The following ATAD2B variants were observed in gnomAD, a reference collection of about 807,000 sequenced individuals.
The protein encoded by ATAD2B is ATPase family AAA domain containing 2B.
Under a neutral mutation model 167.6 loss-of-function variants are expected in ATAD2B, and 40 were observed. That is an observed-to-expected ratio of 0.24 (90% confidence interval 0.19 to 0.31). The LOEUF is 0.31. ATAD2B is among the 10% of genes least tolerant of loss of function. The pLI is 1.00. For synonymous variants in ATAD2B, 579 were observed against 596.5 expected (o/e 0.97, Z 0.43); for missense variants, 1,242 against 1,757.2 (o/e 0.71, Z 5.24).
intron 17 of ATAD2B, among the ~76,000 whole-genome samples, chr2:23,816,570 G>T (rs916108065): frequency 6.6e-6 from 1 of 152,092 alleles, no homozygotes; most frequent in African/African-American, 2.4e-5. Context: ...TAATGTATGG[G>T]TCTATACATT....
chr2:23,842,408 T>C (rs1477132236), intron 13 of ATAD2B, among the ~76,000 whole-genome samples: 4 of 152,148 alleles, frequency 2.6e-5, no homozygotes, highest in Non-Finnish European at 5.9e-5. Flanking sequence ...TGCATTATAA[T>C]ACATGAATAT....
chr2:23,800,647 T>G (rs1015506317), intron 18 of ATAD2B, among the ~76,000 whole-genome samples: 15 of 152,178 alleles, frequency 9.9e-5, no homozygotes, highest in Non-Finnish European at 1.8e-4. Context: ...CATGATGTTG[T>G]ATTGACCCCA....
intron 1 of ATAD2B, among the ~76,000 whole-genome samples, chr2:23,913,697 G>A (rs1238532759): frequency 6.6e-6 from 1 of 150,820 alleles, no homozygotes; most frequent in African/African-American, 2.4e-5. Context: ...AATCTCAATT[G>A]AAATTAAAAT....
downstream of ATAD2B, among the ~76,000 whole-genome samples, chr2:23,744,152 A>C (rs1029810715): frequency 6.6e-6 from 1 of 152,218 alleles, no homozygotes; most frequent in Non-Finnish European, 1.5e-5. Context: ...AGATATTACT[A>C]TATTTTAAAT....
intron 12 of ATAD2B, among the ~76,000 whole-genome samples, chr2:23,859,155 TATCTC>T (rs1693937639): frequency 6.6e-6 from 1 of 152,182 alleles, no homozygotes; most frequent in Non-Finnish European, 1.5e-5. Flanking sequence ...TAAAGAATGT[TATCTC>T]ATTTTATTTT....
At chr2:23,918,015 C>T (rs1478220404) in intron 1 of ATAD2B, among the ~76,000 whole-genome samples, 1 of 151,690 alleles carries the variant, frequency 6.6e-6, no homozygotes, top group Non-Finnish European at 1.5e-5. Context: ...TCATTGAACT[C>T]CAGCCTGGGC....
rs147171480 is a variant in ATAD2B, at chr2:23,871,469, C to T, written c.978-1708G>A. Among the ~76,000 whole-genome samples, 505 of 152,294 alleles carry T rather than the reference C, an allele frequency of 3.3e-3. 3 individuals are homozygous for T. Among genetic ancestry groups the T allele is most frequent in the African/African-American group, 0.012 (487 of 41,566 alleles). ...CCACTGACTCAGAGTCAACTCCCTT[C>T]GTGGCTTAATTTTCTGTCAAGCCTC... On this transcript the variant is annotated intron_variant, in intron 8 of 27. Coordinates refer to ENST00000238789, the MANE Select transcript of ATAD2B (RefSeq NM_017552.4).
chr2:23,771,092 T>A (rs927262498), intron 22 of ATAD2B, among the ~76,000 whole-genome samples: 1 of 152,222 alleles, frequency 6.6e-6, no homozygotes, highest in Admixed American at 6.5e-5. Flanking sequence ...TTGATGTTAT[T>A]TCAATTTCCT....
the ATAD2B span, among the ~76,000 whole-genome samples, chr2:23,693,736 G>A: frequency 3.0e-4 from 45 of 152,320 alleles, no homozygotes; most frequent in African/African-American, 9.9e-4. Flanking sequence ...GACCCAAGTC[G>A]GCCAAGAGCC....
intron 22 of ATAD2B, among the ~76,000 whole-genome samples, chr2:23,770,290 T>C (rs1449531526): frequency 6.6e-6 from 1 of 151,186 alleles, no homozygotes; most frequent in Non-Finnish European, 1.5e-5. Flanking sequence ...CACTCCAGCC[T>C]AGGTGACAGA....
chr2:23,795,773 G>T (rs942717339), intron 19 of ATAD2B, among the ~76,000 whole-genome samples: 1 of 151,926 alleles, frequency 6.6e-6, no homozygotes, highest in Non-Finnish European at 1.5e-5. Flanking sequence ...CAGCTACTCG[G>T]GAGGCTGAGA....
chr2:23,745,422 A>AAGAAAGGAAAGGGAAGGGAAGGG (rs1491261605), downstream of ATAD2B, among the ~76,000 whole-genome samples: 30 of 85,064 alleles, frequency 3.5e-4, no homozygotes, highest in Non-Finnish European at 5.5e-4. Flanking sequence ...GGAAGGAAGG[A>AAGAAAGGAAAGGGAAGGGAAGGG]AAGGGAAGGG....
intron 8 of ATAD2B, among the ~76,000 whole-genome samples, chr2:23,871,154 C>A (rs1695910345): frequency 1.3e-5 from 2 of 150,920 alleles, no homozygotes; most frequent in Non-Finnish European, 3.0e-5. Context: ...CCTTTTTGCC[C>A]ACCACATAAT....
intron 7 of ATAD2B, among the ~76,000 whole-genome samples, chr2:23,876,825 T>A (rs1448561802): frequency 2.0e-5 from 3 of 151,668 alleles, no homozygotes; most frequent in African/African-American, 7.3e-5. Flanking sequence ...CCCAGCACTT[T>A]GGGAGGCCGA....
At position 23,762,355 on chromosome 2, in the gene ATAD2B, A is replaced by G. The variant is rs772719454; in HGVS notation, c.3257-9T>C. 2 of 1,610,274 alleles carry G rather than the reference A, an allele frequency of 1.2e-6. No homozygotes were observed. Among genetic ancestry groups the G allele is most frequent in the South Asian group, 2.2e-5 (2 of 90,372 alleles). ...TGATGTTACTGATAAGCCTGCAAGC[A>G]GAAGATAAGCAATACCTCTTTAAAT... On this transcript the variant is annotated splice_polypyrimidine_tract_variant and intron_variant, in intron 23 of 27. Transcript: ENST00000238789.
At position 23,918,202 on chromosome 2, in the gene ATAD2B, C is replaced by CAAAA. The variant is rs35163952; in HGVS notation, c.216+8349_216+8352dup. The stretch of plus-strand genomic sequence containing the variant: ...GCAACATAGCAAAACCTTGTCTCTA[C>CAAAA]AAAAAAAAAAAAAAAAAAAAATAGC... On this transcript the variant is annotated intron_variant, in intron 1 of 27. Coordinates refer to ENST00000238789, the MANE Select transcript of ATAD2B (RefSeq NM_017552.4). Among the ~76,000 whole-genome samples the CAAAA allele has an allele frequency of 2.7e-3, 256 of 94,280 alleles. 2 individuals carry two copies. Among genetic ancestry groups the CAAAA allele is most frequent in the East Asian group, 4.8e-3 (17 of 3,528 alleles). 61.9% of individuals were successfully genotyped at this position (94,280 alleles called of 152,430 possible). A position where few individuals can be genotyped will look rare whatever the true frequency, so the allele number is the denominator to read the frequency against.
At chr2:23,911,075 G>C (rs1702229159) in intron 1 of ATAD2B, among the ~76,000 whole-genome samples, 1 of 150,946 alleles carries the variant, frequency 6.6e-6, no homozygotes, top group Admixed American at 6.6e-5. Context: ...AAAAATACTA[G>C]CTGGTCGTAG....
At chr2:23,700,176 AT>A in the ATAD2B span, among the ~76,000 whole-genome samples, 3 of 152,170 alleles carry the variant, frequency 2.0e-5, no homozygotes, top group African/African-American at 7.2e-5. This position sits in a 1 kb window ranked among gnomAD's most constrained non-coding sequence, Gnocchi z 4.6. Flanking sequence ...ACTCCTTCCT[AT>A]TTTAGCATGT....
chr2:23,895,417 G>T (rs1211297436), intron 2 of ATAD2B, among the ~76,000 whole-genome samples: 1 of 151,966 alleles, frequency 6.6e-6, no homozygotes, highest in Non-Finnish European at 1.5e-5. Flanking sequence ...TAGATGAAAA[G>T]ATGTCTTTTA....
Sources: gnomAD v4.1 joint callset for allele counts (sites outside exome capture counted in the v4.1 genomes callset) on GRCh38, gnomAD v4.1.1 for gene constraint, Gnocchi (gnomAD v3.1) non-coding constraint, MANE v1.5 for transcripts, NCBI Gene and HGNC (gene_info 2026-07-23, HGNC 2026-07-21) for gene names.